ROBO1: variants seen among roughly 807,000 people sequenced by gnomAD.
ROBO1 encodes the protein roundabout homolog 1.
A neutral mutation model predicts 195.9 loss-of-function variants in ROBO1; 149 were observed. The observed-to-expected ratio is 0.76, with a 90% CI of 0.67 to 0.87. The LOEUF (loss-of-function observed/expected upper bound fraction) is 0.87. Among genes scored for constraint, ROBO1 ranks in the 40% least tolerant of loss-of-function variants. ROBO1 has a pLI of 0.00. For missense variants in ROBO1, 1,933 were observed against 2,068.3 expected (o/e 0.93, Z 1.27); for synonymous variants, 816 against 733.2 (o/e 1.11, Z -1.82).
chr3:79,114,564 A>G (rs2079955343), intron 3 of ROBO1, among the ~76,000 whole-genome samples: 2 of 152,100 alleles, frequency 1.3e-5, no homozygotes, highest in Admixed American at 1.3e-4. Context: ...GGTGAGCAGT[A>G]AGCAACCATT....
chr3:79,454,489 T>C (rs2107217946), intron 2 of ROBO1, among the ~76,000 whole-genome samples: 1 of 152,224 alleles, frequency 6.6e-6, no homozygotes, highest in Non-Finnish European at 1.5e-5. Context: ...AGAAGCAATT[T>C]ATTTAACCTG....
At chr3:78,952,130 GTT>G (rs916802424) in intron 3 of ROBO1, among the ~76,000 whole-genome samples, 4 of 151,060 alleles carry the variant, frequency 2.6e-5, no homozygotes, top group African/African-American at 9.7e-5. Flanking sequence ...TGATCCAACC[GTT>G]TTCATACTCT....
chr3:78,711,382 C>CTTTCTTT (rs2081717340), intron 8 of ROBO1, among the ~76,000 whole-genome samples: 2 of 33,040 alleles, frequency 6.1e-5, no homozygotes, highest in African/African-American at 2.1e-4. Flanking sequence ...TTCCTTCCTT[C>CTTTCTTT]CTTCCTTCCT....
intron 4 of ROBO1, among the ~76,000 whole-genome samples, chr3:78,771,853 T>G (rs2083384167): frequency 6.6e-6 from 1 of 152,166 alleles, no homozygotes; most frequent in Admixed American, 6.5e-5. Context: ...TTTGATGTTT[T>G]ATTTTCCTAT....
At chr3:78,676,758 A>G (rs1339358462) in intron 10 of ROBO1, among the ~76,000 whole-genome samples, 6 of 152,240 alleles carry the variant, frequency 3.9e-5, no homozygotes, top group African/African-American at 1.4e-4. Context: ...TCTGCAGGAT[A>G]TTATCCAGGA....
intron 2 of ROBO1, among the ~76,000 whole-genome samples, chr3:79,552,291 C>T (rs1381265512): frequency 1.3e-5 from 2 of 151,962 alleles, no homozygotes; most frequent in Non-Finnish European, 2.9e-5. Flanking sequence ...AAAAGATGCA[C>T]ACATTTTCTT....
At chr3:79,351,098 G>A (rs1376316880) in intron 2 of ROBO1, among the ~76,000 whole-genome samples, 1 of 152,058 alleles carries the variant, frequency 6.6e-6, no homozygotes, top group Non-Finnish European at 1.5e-5. Context: ...CTTCTAATTG[G>A]TGAATTGCAA....
chr3:78,980,808 C>A (rs766098946), intron 3 of ROBO1, among the ~76,000 whole-genome samples: 1 of 152,052 alleles, frequency 6.6e-6, no homozygotes, highest in Non-Finnish European at 1.5e-5. Context: ...AAAACTTACA[C>A]CCCTGGTAAA....
chr3:79,737,913 C>T (rs1703454918), intron 1 of ROBO1, among the ~76,000 whole-genome samples: 1 of 152,184 alleles, frequency 6.6e-6, no homozygotes, highest in South Asian at 2.1e-4. Flanking sequence ...ATTCCTTTCA[C>T]CACCTATCTT....
intron 3 of ROBO1, among the ~76,000 whole-genome samples, chr3:79,095,239 C>G (rs2079546552): frequency 1.3e-5 from 2 of 151,810 alleles, no homozygotes; most frequent in Admixed American, 1.3e-4. Context: ...ATTTTCTCCC[C>G]CTTGAGTGGG....
intron 1 of ROBO1, among the ~76,000 whole-genome samples, chr3:79,700,168 G>T (rs1006327463): frequency 6.6e-6 from 1 of 151,568 alleles, no homozygotes; most frequent in African/African-American, 2.4e-5. Context: ...ACATGATTTT[G>T]GTTTTTTATG....
chr3:79,396,094 C>G (rs1475764683), intron 2 of ROBO1, among the ~76,000 whole-genome samples: 1 of 152,020 alleles, frequency 6.6e-6, no homozygotes, highest in Admixed American at 6.6e-5. Context: ...TATAAAAGCT[C>G]TCAAGTATTT....
At chr3:78,923,971 T>C (rs901228812) in intron 4 of ROBO1, among the ~76,000 whole-genome samples, 1 of 151,436 alleles carries the variant, frequency 6.6e-6, no homozygotes, top group African/African-American at 2.4e-5. Flanking sequence ...CTGAACTCCT[T>C]AGGGAAGAAA....
chr3:78,982,624 T>C (rs746354220), intron 3 of ROBO1, among the ~76,000 whole-genome samples: 4 of 152,146 alleles, frequency 2.6e-5, no homozygotes, highest in Non-Finnish European at 5.9e-5. Context: ...TTTGTAAATT[T>C]TACTTTTTTC....
chr3:79,730,151 T>C (rs1367030745), intron 1 of ROBO1, among the ~76,000 whole-genome samples: 1 of 152,172 alleles, frequency 6.6e-6, no homozygotes, highest in Non-Finnish European at 1.5e-5. Flanking sequence ...TTTAGAGAAA[T>C]CTTCCCTACA....
At chr3:79,444,403 A>G (rs558725384) in intron 2 of ROBO1, among the ~76,000 whole-genome samples, 1 of 152,262 alleles carries the variant, frequency 6.6e-6, no homozygotes, top group South Asian at 2.1e-4. Context: ...GTAAAACTAT[A>G]ATAGGATAGT....
At chr3:79,492,515 A>T (rs1479931380) in intron 2 of ROBO1, among the ~76,000 whole-genome samples, 3 of 151,596 alleles carry the variant, frequency 2.0e-5, no homozygotes, top group African/African-American at 7.3e-5. Flanking sequence ...TTATTTTCTC[A>T]TAAACTTAAA....
At chr3:79,237,204 CG>C in intron 2 of ROBO1, among the ~76,000 whole-genome samples, 1 of 152,190 alleles carries the variant, frequency 6.6e-6, no homozygotes, top group Admixed American at 6.5e-5. Context: ...CAAAAATGGC[CG>C]GGCGCGGTGG....
chr3:79,346,707 AAAG>A (rs1486567632), intron 2 of ROBO1, among the ~76,000 whole-genome samples: 1 of 152,054 alleles, frequency 6.6e-6, no homozygotes, highest in Admixed American at 6.5e-5. Flanking sequence ...CCTAAATTAA[AAAG>A]AAGACCTATT....
Sources: gnomAD v4.1 joint callset for allele counts (sites outside exome capture counted in the v4.1 genomes callset) on GRCh38, gnomAD v4.1.1 for gene constraint, MANE v1.5 for transcripts, NCBI Gene and HGNC (gene_info 2026-07-23, HGNC 2026-07-21) for gene names.